MED14: variants seen among roughly 807,000 people sequenced by gnomAD.
MED14 encodes mediator of RNA polymerase II transcription subunit 14.
Under a neutral mutation model 109.0 loss-of-function variants are expected in MED14, and 8 were observed. The observed-to-expected ratio is 0.07, with a 90% CI of 0.04 to 0.13. The LOEUF (loss-of-function observed/expected upper bound fraction) is 0.13, where lower values mean the gene tolerates loss of function less well. Among genes scored for constraint, MED14 ranks in the 10% least tolerant of loss-of-function variants. The pLI is 1.00. For synonymous variants in MED14, 399 were observed against 408.7 expected, an observed-to-expected ratio of 0.98 and a Z score of 0.29; for missense variants, 711 against 1,142.4, an observed-to-expected ratio of 0.62 and a Z score of 5.44.
At chrX:40,680,647 A>T in intron 20 of MED14, 111 bp downstream of exon 20, 2 of 642,601 alleles carry the variant, frequency 3.1e-6, no homozygotes, top group South Asian at 3.3e-5. Flanking sequence ...TGAACTCCTG[A>T]GCACAAGCAA....
rs767124792 is a variant in MED14, at chrX:40,664,301, A to G, written c.3448+6T>C. ...AAAAGAACATAAAAATGTTGATGAT[A>G]CTTACTTGTTCCAGCTCGAGGGGAA... On this transcript the variant is annotated splice_donor_region_variant and intron_variant, in intron 25 of 30. Coordinates refer to ENST00000324817, the MANE Select transcript of MED14 (RefSeq NM_004229.4). 1.7e-6 allele frequency: 2 copies of G among 1,194,978 alleles called. No individual in the cohort carries two copies. The highest frequency in any genetic ancestry group is 1.9e-5 in the South Asian group (1 of 53,852).
intron 10 of MED14, among the ~76,000 whole-genome samples, chrX:40,709,090 G>A (rs1396874136): frequency 9.0e-6 from 1 of 111,091 alleles, no homozygotes; most frequent in Non-Finnish European, 1.9e-5. Context: ...TTACAGGTGT[G>A]AGCCACCATG....
At position 40,651,697 on chromosome X, in the gene MED14, C is replaced by T. The variant is rs1046629299; in HGVS notation, c.*109G>A. 4.4e-5 allele frequency: 47 copies of T among 1,073,465 alleles called. No homozygotes were observed. Among genetic ancestry groups the T allele is most frequent in the South Asian group, 2.7e-5 (1 of 37,618 alleles). 88.5% of individuals were successfully genotyped at this position (1,073,465 alleles called of 1,213,427 possible). On this transcript the variant is annotated 3_prime_UTR_variant, in exon 31 of 31. Coordinates refer to ENST00000324817, the MANE Select transcript of MED14 (RefSeq NM_004229.4). ...ATTTTTGCCAGTTTAGAATATTTAG[C>T]TCTTAAAGTTTAAAAAAAAAGTCCT...
rs1203670364 is a variant in MED14, at chrX:40,729,386, C to A, written c.216-41G>T. The stretch of plus-strand genomic sequence containing the variant: ...AAAAACGGATTAGATACATGCATAC[C>A]TTCATTCTAATGTGATAATAGTCTT... On this transcript the variant is annotated intron_variant, in intron 1 of 30. Transcript: ENST00000324817. 3 of 1,122,623 alleles carry A rather than the reference C, an allele frequency of 2.7e-6. No homozygotes were observed. The Admixed American group carries it at 7.4e-5, about 28-fold the overall frequency. 92.5% of individuals were successfully genotyped at this position (1,122,623 alleles called of 1,213,427 possible). A position where few individuals can be genotyped will look rare whatever the true frequency, so the allele number is the denominator to read the frequency against.
At chrX:40,708,806 T>TAA (rs779845793) in intron 10 of MED14, among the ~76,000 whole-genome samples, 1 of 111,952 alleles carries the variant, frequency 8.9e-6, no homozygotes, top group South Asian at 3.7e-4. Flanking sequence ...TAATAATTTT[T>TAA]AAAAATTTTT....
In MED14 at chrX:40,682,979, C is replaced by T; in HGVS notation, c.2075G>A (p.Gly692Asp). Reference sequence around the variant, plus strand: ...AGCCTTTTGGGTTTCCTCAGTTATACCCTTACAGGGAGGAATTCTGGTGAT... The same window carrying T: ...AGCCTTTTGGGTTTCCTCAGTTATATCCTTACAGGGAGGAATTCTGGTGAT... ...IRLLKIPPCKGITEETQKALD... is the reference protein window; with the variant it reads ...IRLLKIPPCKDITEETQKALD... Residue 692 changes from glycine to aspartate, a missense_variant, in exon 17 of 31, where the codon GGT becomes GAT. Coordinates refer to ENST00000324817, the MANE Select transcript of MED14 (RefSeq NM_004229.4). The T allele has an allele frequency of 8.3e-7, 1 of 1,205,153 alleles. No individual in the cohort carries two copies. Among genetic ancestry groups the T allele is most frequent in the Non-Finnish European group, 1.1e-6 (1 of 892,765 alleles).
intron 24 of MED14, among the ~76,000 whole-genome samples, chrX:40,666,259 C>T (rs917688152): frequency 9.0e-6 from 1 of 111,440 alleles, no homozygotes; most frequent in Non-Finnish European, 1.9e-5. Flanking sequence ...AAAAGGAAAC[C>T]TTTCATTGAC....
At position 40,735,227 on chromosome X, in the gene MED14, G is replaced by C; in HGVS notation, c.186C>G (p.Ala62=). The C allele has an allele frequency of 8.7e-7, 1 of 1,146,003 alleles. No homozygotes were observed. The highest frequency in any genetic ancestry group is 3.5e-5 in the East Asian group (1 of 28,500). 94.4% of individuals were successfully genotyped at this position (1,146,003 alleles called of 1,213,427 possible). The change falls in exon 1 of 31, where the codon GCC becomes GCG. Residue 62 remains alanine, a synonymous_variant. Transcript: ENST00000324817. ...CCGTCAACACCATAAGCTCCGAGTA[G>C]GCCCGGTGCAGCAGAAATTCAATGA... The part of the protein sequence containing the change: ...STLIEFLLHR[A]YSELMVLTDL...
At chrX:40,653,588 T>C (rs1266997847) in intron 30 of MED14, among the ~76,000 whole-genome samples, 1 of 112,065 alleles carries the variant, frequency 8.9e-6, no homozygotes, top group Non-Finnish European at 1.9e-5. Flanking sequence ...TTCCTTAATA[T>C]TAGAAATAAG....
chrX:40,656,296 CA>C (rs1055347421), intron 28 of MED14, among the ~76,000 whole-genome samples: 7 of 111,518 alleles, frequency 6.3e-5, no homozygotes, highest in Admixed American at 5.7e-4. Context: ...AGTCAAAACA[CA>C]AATGAAAAAC....
chrX:40,669,979 T>C (rs1011910764), intron 23 of MED14, among the ~76,000 whole-genome samples: 2 of 112,129 alleles, frequency 1.8e-5, no homozygotes, highest in Non-Finnish European at 3.8e-5. Context: ...GCATTACAGA[T>C]GAAGACTGTT....
chrX:40,713,673 C>T, intron 5 of MED14, 105 bp downstream of exon 5: 1 of 892,237 alleles, frequency 1.1e-6, no homozygotes, highest in Non-Finnish European at 1.6e-6. Flanking sequence ...AAACTCCTGA[C>T]CTCAAGTGAT....
In MED14 at chrX:40,649,005, T is replaced by G. The variant is rs768983430; in HGVS notation, c.*2801A>C. On this transcript the variant is annotated 3_prime_UTR_variant, in exon 31 of 31. Transcript: ENST00000324817. ...GAATGTAAGTTCTCTTAAAATTTTC[T>G]GTATACTGATTTTATATCAAGAACA... is the stretch of plus-strand genomic sequence containing the variant. 1.8e-5 allele frequency: 2 copies of G among 112,623 alleles called. No homozygotes were observed. The highest frequency in any genetic ancestry group is 6.5e-5 in the African/African-American group (2 of 30,967). The allele number at this position is 112,623 out of a possible 1,213,427, so 9.3% of individuals were successfully genotyped here. A position where few individuals can be genotyped will look rare whatever the true frequency, so the allele number is the denominator to read the frequency against.
chrX:40,684,397 T>C (rs1276406040), intron 16 of MED14, among the ~76,000 whole-genome samples: 1 of 112,666 alleles, frequency 8.9e-6, no homozygotes. Context: ...AAAAAATAGA[T>C]TGCATGTGCT....
At chrX:40,661,939 C>T (rs906356213) in intron 26 of MED14, among the ~76,000 whole-genome samples, 1 of 111,651 alleles carries the variant, frequency 9.0e-6, no homozygotes. Context: ...TCTTGGCTCA[C>T]TGCAACCTCT....
intron 3 of MED14, among the ~76,000 whole-genome samples, chrX:40,718,721 T>G (rs1046569330): frequency 4.5e-5 from 5 of 110,904 alleles, no homozygotes; most frequent in African/African-American, 1.6e-4. Flanking sequence ...GCCTGTGGTC[T>G]CAGGTACTCA....
chrX:40,680,999 G>A (rs974755518), intron 19 of MED14, 89 bp from the exon 20 acceptor site: 7 of 654,863 alleles, frequency 1.1e-5, no homozygotes, highest in East Asian at 3.6e-5. Context: ...AAGGCAAAAC[G>A]CCAAAAATCT....
At chrX:40,658,838 G>A (rs934078181) in intron 28 of MED14, among the ~76,000 whole-genome samples, 3 of 111,155 alleles carry the variant, frequency 2.7e-5, no homozygotes, top group African/African-American at 6.6e-5. Context: ...ACTCCAGCCT[G>A]GGTATCGGAG....
intron 3 of MED14, among the ~76,000 whole-genome samples, chrX:40,717,381 C>T (rs1229968367): frequency 1.8e-5 from 2 of 111,128 alleles, no homozygotes; most frequent in African/African-American, 6.6e-5. Context: ...AACTTCATGC[C>T]CAATACAGAA....
Sources: gnomAD v4.1 joint callset for allele counts (sites outside exome capture counted in the v4.1 genomes callset) on GRCh38, gnomAD v4.1.1 for gene constraint, MANE v1.5 for transcripts, NCBI Gene and HGNC (gene_info 2026-07-23, HGNC 2026-07-21) for gene names.